PCDH7: variants seen among roughly 807,000 people sequenced by gnomAD.
PCDH7 encodes the protein protocadherin-7.
A neutral mutation model predicts 58.9 loss-of-function variants in PCDH7; 17 were observed. The ratio of observed to expected loss-of-function variants is 0.29; its 90% CI spans 0.20 to 0.43. PCDH7 has a LOEUF of 0.43. PCDH7 is among the 20% of genes least tolerant of loss of function. PCDH7 has a pLI of 1.00. For synonymous variants in PCDH7, 664 were observed against 616.4 expected (o/e 1.08, Z -1.14); for missense variants, 1,274 against 1,441.0 (o/e 0.88, Z 1.88).
At chr4:30,899,708 T>C (rs1739947647) in intron 1 of PCDH7, among the ~76,000 whole-genome samples, 1 of 152,000 alleles carries the variant, frequency 6.6e-6, no homozygotes, top group South Asian at 2.1e-4. Context: ...CACTTGACTA[T>C]GACACTAATA....
chr4:30,943,459 C>T (rs968694420), intron 2 of PCDH7, among the ~76,000 whole-genome samples: 2 of 152,136 alleles, frequency 1.3e-5, no homozygotes, highest in African/African-American at 2.4e-5. Flanking sequence ...AGTCATGCAG[C>T]CAGTGAGTGG....
chr4:31,059,438 G>T (rs1037544857), intron 3 of PCDH7, among the ~76,000 whole-genome samples: 2 of 151,858 alleles, frequency 1.3e-5, no homozygotes, highest in Non-Finnish European at 2.9e-5. Context: ...AAGCATGACA[G>T]TAGAATTGTA....
At chr4:30,978,804 G>A (rs796945358) in intron 3 of PCDH7, among the ~76,000 whole-genome samples, 12 of 152,178 alleles carry the variant, frequency 7.9e-5, no homozygotes, top group African/African-American at 2.7e-4. Flanking sequence ...GTAAGTGACT[G>A]TTGAAAATTC....
At chr4:30,730,071 G>T (rs1715263856) in intron 1 of PCDH7, among the ~76,000 whole-genome samples, 2 of 151,668 alleles carry the variant, frequency 1.3e-5, no homozygotes, top group Admixed American at 6.6e-5. Flanking sequence ...GGGAGGATGT[G>T]GTGGTGGAGA....
At chr4:30,936,625 C>A (rs1560516272) in intron 2 of PCDH7, among the ~76,000 whole-genome samples, 1 of 143,236 alleles carries the variant, frequency 7.0e-6, no homozygotes, top group Non-Finnish European at 1.5e-5. Context: ...TTATAAACCA[C>A]AATGCATTTT....
intron 3 of PCDH7, among the ~76,000 whole-genome samples, chr4:31,139,523 T>C (rs564186686): frequency 6.6e-6 from 1 of 152,340 alleles, no homozygotes; most frequent in South Asian, 2.1e-4. Flanking sequence ...AAGTATGTCT[T>C]TTATGGAAAG....
chr4:30,801,702 G>A (rs946275452), intron 1 of PCDH7, among the ~76,000 whole-genome samples: 1 of 152,154 alleles, frequency 6.6e-6, no homozygotes, highest in South Asian at 2.1e-4. Flanking sequence ...TCATGAAGTG[G>A]AACTCACAAG....
At chr4:30,760,519 GC>G (rs1719885300) in intron 1 of PCDH7, among the ~76,000 whole-genome samples, 1 of 152,118 alleles carries the variant, frequency 6.6e-6, no homozygotes, top group East Asian at 1.9e-4. Context: ...AAATCAATGT[GC>G]AGAAATCACA....
At chr4:30,803,374 T>C (rs763689186) in intron 1 of PCDH7, among the ~76,000 whole-genome samples, 16 of 152,160 alleles carry the variant, frequency 1.1e-4, no homozygotes, top group Non-Finnish European at 2.1e-4. Flanking sequence ...TGATGATTTA[T>C]AGAAGATAAA....
intron 1 of PCDH7, among the ~76,000 whole-genome samples, chr4:30,793,284 T>G (rs930118717): frequency 6.6e-6 from 1 of 152,178 alleles, no homozygotes; most frequent in Non-Finnish European, 1.5e-5. Context: ...AAATACAATA[T>G]GTATCTTGCA....
At chr4:30,804,771 G>C (rs564302716) in intron 1 of PCDH7, among the ~76,000 whole-genome samples, 1 of 152,248 alleles carries the variant, frequency 6.6e-6, no homozygotes, top group Non-Finnish European at 1.5e-5. Flanking sequence ...GCCAGAAACA[G>C]ACTAAGACAA....
At chr4:30,807,788 A>C (rs1410262208) in intron 1 of PCDH7, among the ~76,000 whole-genome samples, 1 of 152,158 alleles carries the variant, frequency 6.6e-6, no homozygotes, top group Non-Finnish European at 1.5e-5. Context: ...ATATAGGCAC[A>C]CTTTCAAAAT....
intron 3 of PCDH7, among the ~76,000 whole-genome samples, chr4:31,048,102 A>G (rs1756436672): frequency 6.6e-6 from 1 of 152,052 alleles, no homozygotes; most frequent in African/African-American, 2.4e-5. Flanking sequence ...TTCTTCTTTC[A>G]TATAATTGTA....
At chr4:30,907,731 A>C (rs6838322) in intron 1 of PCDH7, among the ~76,000 whole-genome samples, 105,502 of 151,920 alleles carry the variant, frequency 0.69, 36,897 homozygotes, top group African/African-American at 0.79. Flanking sequence ...ACCATTTGAC[A>C]CAGCAATCCC....
intron 1 of PCDH7, among the ~76,000 whole-genome samples, chr4:30,740,831 TATC>T (rs1399438928): frequency 6.6e-6 from 1 of 152,126 alleles, no homozygotes; most frequent in African/African-American, 2.4e-5. Flanking sequence ...TTTTAAAAAA[TATC>T]ATTTTACTTC....
At chr4:30,930,449 T>C (rs1027613693) in intron 2 of PCDH7, among the ~76,000 whole-genome samples, 2 of 152,200 alleles carry the variant, frequency 1.3e-5, no homozygotes, top group Non-Finnish European at 2.9e-5. Flanking sequence ...TGAGTATAGA[T>C]AAGCAGAAGA....
chr4:30,740,240 T>C (rs530458787), intron 1 of PCDH7, among the ~76,000 whole-genome samples: 1 of 152,176 alleles, frequency 6.6e-6, no homozygotes, highest in Non-Finnish European at 1.5e-5. Context: ...GAGAATGGAA[T>C]TGGATTCCCT....
chr4:30,752,745 T>C (rs1274382038), intron 1 of PCDH7, among the ~76,000 whole-genome samples: 1 of 115,168 alleles, frequency 8.7e-6, no homozygotes, highest in Non-Finnish European at 1.6e-5. Context: ...ACCCAGATAC[T>C]CACACATCCA....
chr4:31,137,557 C>G (rs1719758597), intron 3 of PCDH7, among the ~76,000 whole-genome samples: 1 of 152,148 alleles, frequency 6.6e-6, no homozygotes, highest in Admixed American at 6.5e-5. Context: ...GCACTCCAGC[C>G]TGGATGACAG....
Sources: gnomAD v4.1 joint callset for allele counts (sites outside exome capture counted in the v4.1 genomes callset) on GRCh38, gnomAD v4.1.1 for gene constraint, MANE v1.5 for transcripts, NCBI Gene and HGNC (gene_info 2026-07-23, HGNC 2026-07-21) for gene names.